The following SCAPER variants were observed in gnomAD, a reference collection of about 807,000 sequenced individuals.
SCAPER encodes the protein S-phase cyclin A associated protein in the ER.
Under a neutral mutation model 182.2 loss-of-function variants are expected in SCAPER, and 98 were observed. That is an observed-to-expected ratio of 0.54 (90% CI 0.46 to 0.64). SCAPER has a LOEUF of 0.64. Ranked by LOEUF, SCAPER falls within the 30% of genes least tolerant of loss-of-function variation. The probability of loss-of-function intolerance (pLI) is 0.00; values close to 1 mark genes in which losing one functional copy is unlikely to be tolerated. For synonymous variants in SCAPER, 605 were observed against 564.6 expected, an observed-to-expected ratio of 1.07 and a Z score of -1.01; for missense variants, 1,432 against 1,690.0, an observed-to-expected ratio of 0.85 and a Z score of 2.68.
chr15:76,725,110 T>C (rs2060502118), intron 17 of SCAPER, among the ~76,000 whole-genome samples: 2 of 152,232 alleles, frequency 1.3e-5, no homozygotes, highest in South Asian at 2.1e-4. Context: ...ACCAGCAACA[T>C]ACAAATTTTA....
At chr15:76,739,897 C>T (rs1048456695) in intron 15 of SCAPER, among the ~76,000 whole-genome samples, 5 of 152,176 alleles carry the variant, frequency 3.3e-5, no homozygotes, top group African/African-American at 1.2e-4. Context: ...CCAGGCACAG[C>T]TGCTCACATC....
chr15:76,683,870 CAGG>C (rs1157135066), intron 20 of SCAPER, among the ~76,000 whole-genome samples: 1 of 152,086 alleles, frequency 6.6e-6, no homozygotes, highest in Non-Finnish European at 1.5e-5. Flanking sequence ...GAGGCTGAGG[CAGG>C]AGGACTGACT....
intron 21 of SCAPER, among the ~76,000 whole-genome samples, chr15:76,633,496 G>T (rs1222846363): frequency 2.0e-5 from 3 of 152,194 alleles, no homozygotes; most frequent in Non-Finnish European, 4.4e-5. Flanking sequence ...CATCCGGGCT[G>T]CCCTGACTCA....
chr15:76,458,407 T>TAC (rs370347652), intron 25 of SCAPER, among the ~76,000 whole-genome samples: 1 of 151,028 alleles, frequency 6.6e-6, no homozygotes, highest in African/African-American at 2.4e-5. Flanking sequence ...AATACAAACA[T>TAC]ACACACACAC....
At chr15:76,672,935 C>T (rs765925314) in intron 20 of SCAPER, among the ~76,000 whole-genome samples, 1 of 151,724 alleles carries the variant, frequency 6.6e-6, no homozygotes, top group South Asian at 2.1e-4. Flanking sequence ...AATTTCTGAG[C>T]CTTAAATAAA....
chr15:76,905,163 C>G (rs1244220587), intron 1 of SCAPER, 136 bp downstream of exon 1: 1 of 156,386 alleles, frequency 6.4e-6, no homozygotes, highest in Non-Finnish European at 1.5e-5. Flanking sequence ...CTCGCACTCC[C>G]AGGTGAGGGG....
chr15:76,810,281 AATT>A (rs1168327995), intron 5 of SCAPER, among the ~76,000 whole-genome samples: 1 of 152,062 alleles, frequency 6.6e-6, no homozygotes, highest in East Asian at 1.9e-4. Flanking sequence ...TATTAAAAAC[AATT>A]ATAACTAAAT....
intron 7 of SCAPER, among the ~76,000 whole-genome samples, chr15:76,798,823 TA>T (rs1402968326): frequency 6.6e-6 from 1 of 152,038 alleles, no homozygotes; most frequent in Non-Finnish European, 1.5e-5. Flanking sequence ...AACTGAAAGA[TA>T]AATTAAGACA....
At position 76,596,833 on chromosome 15, in the gene SCAPER, A is replaced by C. The variant is rs775919544; in HGVS notation, c.2712-22549T>G. On this transcript the variant is annotated intron_variant, in intron 22 of 31. Coordinates refer to ENST00000563290, the MANE Select transcript of SCAPER (RefSeq NM_020843.4). ...CTCAAAATAATAAGAGCTATTTATG[A>C]CAAACCCACAGCCAACATCATACTG... 4.1e-5 allele frequency among the ~76,000 whole-genome samples: 5 copies of C among 122,182 alleles called. 2 individuals are homozygous for C. The highest frequency in any genetic ancestry group is 9.8e-3 in the Middle Eastern group (2 of 204). 80.2% of individuals were successfully genotyped at this position (122,182 alleles called of 152,430 possible).
chr15:76,874,367 AT>A (rs1568384395), intron 2 of SCAPER, among the ~76,000 whole-genome samples: 1 of 152,332 alleles, frequency 6.6e-6, no homozygotes, highest in East Asian at 1.9e-4. Flanking sequence ...AAACTAAATT[AT>A]CTAAGTCTCT....
At chr15:76,871,325 G>A (rs1000884858) in intron 2 of SCAPER, among the ~76,000 whole-genome samples, 2 of 147,436 alleles carry the variant, frequency 1.4e-5, no homozygotes, top group Non-Finnish European at 3.0e-5. Flanking sequence ...AGGAAAATTG[G>A]TTGAACCCAG....
intron 4 of SCAPER, among the ~76,000 whole-genome samples, chr15:76,846,556 T>C (rs1365511003): frequency 6.6e-6 from 1 of 152,116 alleles, no homozygotes; most frequent in Non-Finnish European, 1.5e-5. Flanking sequence ...AATGAACATT[T>C]CTCAAGAGAA....
intron 17 of SCAPER, among the ~76,000 whole-genome samples, chr15:76,718,182 TAAA>T (rs1397039199): frequency 1.3e-5 from 2 of 152,056 alleles, no homozygotes; most frequent in Non-Finnish European, 2.9e-5. Context: ...AGTCATGAGT[TAAA>T]GAAGAAATCA....
rs78774119 is a variant in SCAPER at position 76,715,853 on chromosome 15, C to A, written c.2166-9869G>T. ...GCCCAAGCTGCTAGGGTATGCCCCA[C>A]AGAAACAAACACTGTGTAGTGGGAG... On this transcript the variant is annotated intron_variant, in intron 17 of 31. Coordinates refer to ENST00000563290, the MANE Select transcript of SCAPER (RefSeq NM_020843.4). Among the ~76,000 whole-genome samples, 872 of 152,232 alleles carry A rather than the reference C, an allele frequency of 5.7e-3. 20 individuals are homozygous for A. The highest frequency in any genetic ancestry group is 0.037 in the East Asian group (189 of 5,174).
rs35883569 is a variant in SCAPER, at chr15:76,714,534, GGTAGTA to G, written c.2166-8556_2166-8551del. Among the ~76,000 whole-genome samples, 889 of 149,406 alleles carry G rather than the reference GGTAGTA, an allele frequency of 6.0e-3. 8 individuals carry two copies. The highest frequency in any genetic ancestry group is 0.017 in the African/African-American group (676 of 40,638). On this transcript the variant is annotated intron_variant, in intron 17 of 31. Transcript: ENST00000563290. ...TGATTACCATTCTAGTAGTAGTAGTGGTAGTAGTAGTAGTAGTAGTAGTAGTAGTAG... is the reference window on the plus strand; with the variant it reads ...TGATTACCATTCTAGTAGTAGTAGTGGTAGTAGTAGTAGTAGTAGTAGTAG...
chr15:76,563,318 G>GC (rs2046786967), intron 23 of SCAPER, among the ~76,000 whole-genome samples: 1 of 152,108 alleles, frequency 6.6e-6, no homozygotes, highest in Non-Finnish European at 1.5e-5. Context: ...TCCAAAAATA[G>GC]TTAGTTTACA....
At chr15:76,520,497 C>T (rs796903003) in intron 23 of SCAPER, among the ~76,000 whole-genome samples, 5 of 152,306 alleles carry the variant, frequency 3.3e-5, no homozygotes, top group African/African-American at 1.2e-4. Flanking sequence ...GGATGACAGG[C>T]ATGAGCCACT....
intron 23 of SCAPER, among the ~76,000 whole-genome samples, chr15:76,527,711 A>G (rs2043311336): frequency 6.6e-6 from 1 of 152,238 alleles, no homozygotes; most frequent in African/African-American, 2.4e-5. Flanking sequence ...AAGGAGCACA[A>G]CAGAATTATG....
At chr15:76,802,113 C>A (rs1476624363) in intron 6 of SCAPER, among the ~76,000 whole-genome samples, 1 of 151,256 alleles carries the variant, frequency 6.6e-6, no homozygotes, top group Non-Finnish European at 1.5e-5. Flanking sequence ...CATTACAGAC[C>A]TTTGGATACA....
Sources: gnomAD v4.1 joint callset for allele counts (sites outside exome capture counted in the v4.1 genomes callset) on GRCh38, gnomAD v4.1.1 for gene constraint, MANE v1.5 for transcripts, NCBI Gene and HGNC (gene_info 2026-07-23, HGNC 2026-07-21) for gene names.